LHFPL3: variants seen among roughly 807,000 people sequenced by gnomAD.
LHFPL3 encodes the protein LHFPL tetraspan subfamily member 3 protein.
LHFPL3 carries 5 observed loss-of-function variants against 19.3 expected under a neutral mutation model. The ratio of observed to expected loss-of-function variants is 0.26; its 90% CI spans 0.14 to 0.54. The LOEUF is 0.54. Among genes scored for constraint, LHFPL3 ranks in the 20% least tolerant of loss-of-function variants. LHFPL3 has a pLI of 0.94. For synonymous variants in LHFPL3, 133 were observed against 126.2 expected (o/e 1.05, Z -0.36); for missense variants, 249 against 307.4 (o/e 0.81, Z 1.42).
At chr7:104,532,514 AAGCATGCACAT>A in intron 1 of LHFPL3, among the ~76,000 whole-genome samples, 2 of 152,000 alleles carry the variant, frequency 1.3e-5, no homozygotes, top group Admixed American at 1.3e-4. Context: ...TTTCTATCCA[AAGCATGCACAT>A]AGACTTCTCT....
At chr7:104,654,616 A>G (rs1037635352) in intron 1 of LHFPL3, among the ~76,000 whole-genome samples, 2 of 152,168 alleles carry the variant, frequency 1.3e-5, no homozygotes. Context: ...ACTACTTGCA[A>G]CCTTCTGAGT....
chr7:104,351,269 T>G (rs1278515788), intron 1 of LHFPL3, among the ~76,000 whole-genome samples: 1 of 152,182 alleles, frequency 6.6e-6, no homozygotes, highest in Non-Finnish European at 1.5e-5. Flanking sequence ...CTATTTAGGC[T>G]TCTTCACCTT....
At chr7:104,887,329 C>T (rs1043632792) in intron 2 of LHFPL3, among the ~76,000 whole-genome samples, 5 of 152,068 alleles carry the variant, frequency 3.3e-5, no homozygotes, top group South Asian at 4.1e-4. Flanking sequence ...CATTTTTGTA[C>T]GTAGAGATCC....
At chr7:104,363,492 G>A (rs1215123689) in intron 1 of LHFPL3, among the ~76,000 whole-genome samples, 1 of 152,244 alleles carries the variant, frequency 6.6e-6, no homozygotes, top group Non-Finnish European at 1.5e-5. Flanking sequence ...GCGCATGCAG[G>A]TGATGAGGTG....
At chr7:104,369,853 C>T (rs1451165582) in intron 1 of LHFPL3, among the ~76,000 whole-genome samples, 1 of 152,108 alleles carries the variant, frequency 6.6e-6, no homozygotes, top group African/African-American at 2.4e-5. Flanking sequence ...CAAGTATTTG[C>T]TTGTTTGGCT....
rs183380922 is a variant in LHFPL3 at position 104,399,917 on chromosome 7, A to T, written c.445+70693A>T. Among the ~76,000 whole-genome samples the T allele has an allele frequency of 6.6e-6, 1 of 151,328 alleles. No individual in the cohort carries two copies. Among genetic ancestry groups the T allele is most frequent in the African/African-American group, 2.4e-5 (1 of 41,280 alleles). On this transcript the variant is annotated intron_variant, in intron 1 of 2. Transcript: ENST00000424859. The surrounding 1 kb of genome is among the most constrained non-coding windows in gnomAD (Gnocchi z 4.4). ...GGTCGAGTTTGAGACCAGCCTGGCC[A>T]ACATGGTTAAACCCTGTCTCTACTA...
chr7:104,905,166 A>G (rs1335059331), intron 2 of LHFPL3, among the ~76,000 whole-genome samples: 1 of 152,046 alleles, frequency 6.6e-6, no homozygotes, highest in African/African-American at 2.4e-5. Flanking sequence ...GATGACTACA[A>G]GCTGATCTCA....
intron 1 of LHFPL3, chr7:104,667,871 TGATGAAACG>T: frequency 1.2e-6 from 2 of 1,612,218 alleles, no homozygotes; most frequent in Non-Finnish European, 8.5e-7. Flanking sequence ...TCAGCTGGGC[TGATGAAACG>T]GATGACCTGG....
At chr7:104,736,532 G>T (rs1035486891) in intron 1 of LHFPL3, 143 bp from the exon 2 acceptor site, 3 of 630,984 alleles carry the variant, frequency 4.8e-6, no homozygotes, top group Non-Finnish European at 8.4e-6. Context: ...CACACATTCA[G>T]AGTGACAGTG....
chr7:104,345,031 G>C (rs189185145), intron 1 of LHFPL3, among the ~76,000 whole-genome samples: 2 of 152,246 alleles, frequency 1.3e-5, no homozygotes, highest in East Asian at 3.9e-4. Context: ...AAAACTGTTT[G>C]AGACTGGTAT....
chr7:104,480,086 G>C (rs1028678674), intron 1 of LHFPL3, among the ~76,000 whole-genome samples: 1 of 152,180 alleles, frequency 6.6e-6, no homozygotes, highest in Non-Finnish European at 1.5e-5. Context: ...ATGGATACAC[G>C]TATGAGAAGA....
chr7:104,579,993 T>G (rs755937355), intron 1 of LHFPL3, among the ~76,000 whole-genome samples: 3 of 152,224 alleles, frequency 2.0e-5, no homozygotes, highest in Non-Finnish European at 2.9e-5. Context: ...AATGGAATTC[T>G]TACTCAAATT....
chr7:104,441,981 T>C (rs1411690722), intron 1 of LHFPL3, among the ~76,000 whole-genome samples: 1 of 152,222 alleles, frequency 6.6e-6, no homozygotes, highest in Non-Finnish European at 1.5e-5. Context: ...CTGTTTTCCA[T>C]AGTGGCTGCA....
At chr7:104,538,037 A>T (rs1433598821) in intron 1 of LHFPL3, among the ~76,000 whole-genome samples, 1 of 152,100 alleles carries the variant, frequency 6.6e-6, no homozygotes. Flanking sequence ...TAGAAAAAAA[A>T]CTCTGAACTT....
At chr7:104,692,033 G>C (rs1466986948) in intron 1 of LHFPL3, among the ~76,000 whole-genome samples, 2 of 152,230 alleles carry the variant, frequency 1.3e-5, no homozygotes, top group East Asian at 3.8e-4. Flanking sequence ...AAAGAGACTG[G>C]TGGCATTTTT....
chr7:104,567,950 G>C (rs1790154368), intron 1 of LHFPL3, among the ~76,000 whole-genome samples: 1 of 152,112 alleles, frequency 6.6e-6, no homozygotes, highest in Admixed American at 6.5e-5. Flanking sequence ...TCTCAGTCAA[G>C]TTTCGGGGCA....
At chr7:104,709,975 TG>T (rs1240674127) in intron 1 of LHFPL3, among the ~76,000 whole-genome samples, 1 of 152,154 alleles carries the variant, frequency 6.6e-6, no homozygotes, top group South Asian at 2.1e-4. Flanking sequence ...GGCAGGCGGC[TG>T]GGAGGTGGAG....
intron 2 of LHFPL3, among the ~76,000 whole-genome samples, chr7:104,748,806 C>A (rs1794099766): frequency 6.6e-6 from 1 of 152,208 alleles, no homozygotes; most frequent in Non-Finnish European, 1.5e-5. Context: ...TATACTTTGT[C>A]TCTGTGTCTT....
Position 104,868,083 on chromosome 7 carries a change from A to C in LHFPL3, c.683-38104A>C, listed in dbSNP as rs866801485. Among the ~76,000 whole-genome samples the C allele has an allele frequency of 4.9e-3, 744 of 152,314 alleles. 5 individuals carry two copies. Among genetic ancestry groups the C allele is most frequent in the African/African-American group, 0.017 (711 of 41,562 alleles). ...AGGTATTGATGGGATGTATCTCAAAATAATAAGAGCTATTTATGACAAACC... is the reference window on the plus strand; with the variant it reads ...AGGTATTGATGGGATGTATCTCAAACTAATAAGAGCTATTTATGACAAACC... On this transcript the variant is annotated intron_variant, in intron 2 of 2. Coordinates refer to ENST00000424859, the MANE Select transcript of LHFPL3 (RefSeq NM_199000.3).
Sources: gnomAD v4.1 joint callset for allele counts (sites outside exome capture counted in the v4.1 genomes callset) on GRCh38, gnomAD v4.1.1 for gene constraint, Gnocchi (gnomAD v3.1) non-coding constraint, MANE v1.5 for transcripts, NCBI Gene and HGNC (gene_info 2026-07-23, HGNC 2026-07-21) for gene names.